Variants in FSTL5 observed in about 807,000 individuals in gnomAD.
FSTL5 encodes follistatin like 5.
A neutral mutation model predicts 89.1 loss-of-function variants in FSTL5; 62 were observed. That is an observed-to-expected ratio of 0.70 (90% CI 0.57 to 0.86). The LOEUF (loss-of-function observed/expected upper bound fraction) is 0.86, where lower values mean the gene tolerates loss of function less well. FSTL5 is among the 40% of genes least tolerant of loss of function. The pLI, the probability that FSTL5 is intolerant of heterozygous loss-of-function variation, is 0.00. For missense variants in FSTL5, 1,057 were observed against 1,001.6 expected, an observed-to-expected ratio of 1.06 and a Z score of -0.75; for synonymous variants, 383 against 346.2, an observed-to-expected ratio of 1.11 and a Z score of -1.18.
At chr4:162,026,224 C>T (rs866640815) in intron 3 of FSTL5, among the ~76,000 whole-genome samples, 4 of 148,586 alleles carry the variant, frequency 2.7e-5, no homozygotes, top group African/African-American at 9.9e-5. Context: ...ATGAAGCCAT[C>T]AAACACATTT....
chr4:161,949,256 T>G (rs1734822863), intron 3 of FSTL5, among the ~76,000 whole-genome samples: 1 of 152,174 alleles, frequency 6.6e-6, no homozygotes, highest in African/African-American at 2.4e-5. Flanking sequence ...TCGGGCCCAC[T>G]TGGATAATCC....
intron 4 of FSTL5, among the ~76,000 whole-genome samples, chr4:161,914,348 G>T (rs1170401083): frequency 6.6e-6 from 1 of 152,128 alleles, no homozygotes; most frequent in African/African-American, 2.4e-5. Context: ...CTAAGGATTT[G>T]AATGTTAAAG....
chr4:161,993,296 T>C (rs1302786289), intron 3 of FSTL5, among the ~76,000 whole-genome samples: 5 of 151,926 alleles, frequency 3.3e-5, no homozygotes, highest in Admixed American at 1.3e-4. Context: ...ATTAGAATTG[T>C]AACTGAATAA....
intron 6 of FSTL5, among the ~76,000 whole-genome samples, chr4:161,710,196 G>A (rs528416083): frequency 6.6e-6 from 1 of 152,032 alleles, no homozygotes; most frequent in East Asian, 1.9e-4. Context: ...TCAAACTCCT[G>A]GTCTTAAGCC....
chr4:161,871,583 A>G (rs1732264767), intron 4 of FSTL5, among the ~76,000 whole-genome samples: 1 of 152,200 alleles, frequency 6.6e-6, no homozygotes, highest in Non-Finnish European at 1.5e-5. Context: ...ATTTCACAAT[A>G]TATTATGAGG....
chr4:161,777,987 G>A (rs538542047), intron 4 of FSTL5, among the ~76,000 whole-genome samples: 3 of 152,114 alleles, frequency 2.0e-5, no homozygotes, highest in South Asian at 2.1e-4. Context: ...CCAGCTACTC[G>A]GGAGGCTGAG....
intron 2 of FSTL5, among the ~76,000 whole-genome samples, chr4:162,066,371 C>CT (rs1738914167): frequency 7.7e-6 from 1 of 130,496 alleles, no homozygotes; most frequent in African/African-American, 2.9e-5. Context: ...TCTTCTTCTT[C>CT]TCCTTCTTCT....
chr4:161,714,677 G>A (rs1173359450), intron 6 of FSTL5, among the ~76,000 whole-genome samples: 1 of 152,022 alleles, frequency 6.6e-6, no homozygotes, highest in Non-Finnish European at 1.5e-5. Context: ...ATCTCTTCTA[G>A]AAAGAAGCAA....
intron 15 of FSTL5, among the ~76,000 whole-genome samples, chr4:161,390,716 T>A (rs1039311790): frequency 8.5e-5 from 13 of 152,126 alleles, no homozygotes; most frequent in African/African-American, 3.1e-4. Flanking sequence ...AGCAATGTCC[T>A]CATATGGTCC....
rs575800213 is a variant in FSTL5, at chr4:161,397,200, T to C, written c.1842-10751A>G. 5.3e-5 allele frequency among the ~76,000 whole-genome samples: 8 copies of C among 152,230 alleles called. No individual in the cohort carries two copies. The South Asian group carries it at 1.7e-3, about 32-fold the overall frequency. On this transcript the variant is annotated intron_variant, in intron 15 of 15. Coordinates refer to ENST00000306100, the MANE Select transcript of FSTL5 (RefSeq NM_020116.5). ...AACTATTCGATGATATTTTCCTAAA[T>C]ATAATATAAATTTCCTGATTTTATA...
In FSTL5 at chr4:161,898,630, C is replaced by CTTT. The variant is rs773799106; in HGVS notation, c.409+21771_409+21773dup. Among the ~76,000 whole-genome samples the CTTT allele has an allele frequency of 5.1e-3, 652 of 128,240 alleles. 12 individuals are homozygous for CTTT. The highest frequency in any genetic ancestry group is 0.017 in the African/African-American group (582 of 34,444). 84.1% of individuals were successfully genotyped at this position (128,240 alleles called of 152,430 possible). On this transcript the variant is annotated intron_variant, in intron 4 of 15. Transcript: ENST00000306100. ...ATATATTTGGCATCTGTATTATATT[C>CTTT]TTTTTTTTTTTTTTTTTGAGACGGA...
At chr4:161,869,262 T>A (rs1732187801) in intron 4 of FSTL5, among the ~76,000 whole-genome samples, 1 of 152,192 alleles carries the variant, frequency 6.6e-6, no homozygotes, top group Non-Finnish European at 1.5e-5. Flanking sequence ...AAAAATGTAG[T>A]GATGTATGCA....
chr4:161,775,879 T>A lies in FSTL5; in HGVS notation c.605A>T (p.Gln202Leu). 6.8e-7 allele frequency: 1 copy of A among 1,474,310 alleles called. No homozygotes were observed. The highest frequency in any genetic ancestry group is 1.4e-5 in the African/African-American group (1 of 70,118). 91.3% of individuals were successfully genotyped at this position (1,474,310 alleles called of 1,614,324 possible). Residue 202 changes from glutamine to leucine, a missense_variant and splice_region_variant, in exon 5 of 16, where the codon CAG becomes CTG. Physicochemically the swap from Gln to Leu is moderately radical, Grantham distance 113. Coordinates refer to ENST00000306100, the MANE Select transcript of FSTL5 (RefSeq NM_020116.5). ...TGTTAATATAGTCACTAATCATACCTGAGTTAGTTCATTAATATCTACAAG... is the reference window on the plus strand; with the variant it reads ...TGTTAATATAGTCACTAATCATACCAGAGTTAGTTCATTAATATCTACAAG... ...NGLVDINELTQVIKQEELGKD... is the reference protein window; with the variant it reads ...NGLVDINELTLVIKQEELGKD...
intron 3 of FSTL5, among the ~76,000 whole-genome samples, chr4:161,972,258 A>T (rs1578905443): frequency 6.6e-6 from 1 of 151,864 alleles, no homozygotes; most frequent in Admixed American, 6.6e-5. Context: ...CGCCCAGCTA[A>T]TTTTTTGTAT....
At chr4:161,745,220 T>C (rs1442266920) in intron 6 of FSTL5, among the ~76,000 whole-genome samples, 1 of 152,076 alleles carries the variant, frequency 6.6e-6, no homozygotes. Flanking sequence ...AAGTAGTAAC[T>C]TGATGAGTTC....
chr4:161,749,515 A>T (rs986378801), intron 6 of FSTL5, among the ~76,000 whole-genome samples: 3 of 152,128 alleles, frequency 2.0e-5, no homozygotes, highest in African/African-American at 7.2e-5. Context: ...GAAAGATAAT[A>T]GGCCCGGCGC....
intron 3 of FSTL5, among the ~76,000 whole-genome samples, chr4:161,945,198 A>T (rs187780494): frequency 3.2e-3 from 488 of 152,094 alleles, no homozygotes; most frequent in Non-Finnish European, 6.1e-3. Context: ...TCCACTGCCC[A>T]GACAAATACT....
intron 4 of FSTL5, among the ~76,000 whole-genome samples, chr4:161,902,132 C>A (rs2110797291): frequency 6.6e-6 from 1 of 152,178 alleles, no homozygotes; most frequent in Non-Finnish European, 1.5e-5. Context: ...TATAAATTAT[C>A]TATAATGATA....
chr4:161,971,786 A>T (rs1735491427), intron 3 of FSTL5, among the ~76,000 whole-genome samples: 1 of 152,180 alleles, frequency 6.6e-6, no homozygotes, highest in Admixed American at 6.5e-5. Context: ...AACAAACAAT[A>T]GTATAAACAA....
Sources: gnomAD v4.1 joint callset for allele counts (sites outside exome capture counted in the v4.1 genomes callset) on GRCh38, gnomAD v4.1.1 for gene constraint, MANE v1.5 for transcripts, NCBI Gene and HGNC (gene_info 2026-07-23, HGNC 2026-07-21) for gene names.